Variants in RBPMS observed in about 807,000 individuals in gnomAD.
RBPMS encodes RNA binding protein, mRNA processing factor.
In RBPMS, 7 loss-of-function variants were observed where a neutral mutation model predicts 26.8. The observed-to-expected ratio is 0.26, with a 90% CI of 0.15 to 0.49. RBPMS has a LOEUF of 0.49. RBPMS is among the 20% of genes least tolerant of loss of function. RBPMS has a pLI of 0.98. For synonymous variants in RBPMS, 96 were observed against 93.3 expected, an observed-to-expected ratio of 1.03 and a Z score of -0.17; for missense variants, 186 against 250.0, an observed-to-expected ratio of 0.74 and a Z score of 1.73.
chr8:30,456,383 G>A (rs1246987867), intron 1 of RBPMS, among the ~76,000 whole-genome samples: 1 of 30,472 alleles, frequency 3.3e-5, no homozygotes, highest in African/African-American at 5.7e-5. Context: ...GAGGGATGAG[G>A]TGTAAGGCTA....
intron 4 of RBPMS, among the ~76,000 whole-genome samples, chr8:30,483,434 C>G (rs896640326): frequency 6.6e-6 from 1 of 152,114 alleles, no homozygotes; most frequent in Non-Finnish European, 1.5e-5. Flanking sequence ...TTGCTTTACT[C>G]TCAAACTATA....
intron 6 of RBPMS, chr8:30,545,618 C>G (rs1464262455): frequency 5.4e-6 from 1 of 184,428 alleles, no homozygotes; most frequent in African/African-American, 2.4e-5. Flanking sequence ...AACAGCTTCC[C>G]AGAAAACCTC....
chr8:30,456,547 C>A (rs1450853227), intron 1 of RBPMS, among the ~76,000 whole-genome samples: 1 of 152,012 alleles, frequency 6.6e-6, no homozygotes, highest in African/African-American at 2.4e-5. Flanking sequence ...CATATACAGT[C>A]TTTTAAGATT....
intron 4 of RBPMS, among the ~76,000 whole-genome samples, chr8:30,491,488 G>T (rs1819386626): frequency 6.6e-6 from 1 of 152,104 alleles, no homozygotes; most frequent in Admixed American, 6.6e-5. Flanking sequence ...TTGGGGGCTG[G>T]GGGGCTGATT....
intron 1 of RBPMS, among the ~76,000 whole-genome samples, chr8:30,393,556 G>A (rs28609368): frequency 0.014 from 2,069 of 150,974 alleles, 46 homozygotes; most frequent in African/African-American, 0.048. Flanking sequence ...GGAGTCTTGC[G>A]CTGTCACTCA....
intron 4 of RBPMS, among the ~76,000 whole-genome samples, chr8:30,483,778 C>T (rs1818513007): frequency 6.6e-6 from 1 of 151,930 alleles, no homozygotes; most frequent in Admixed American, 6.6e-5. Context: ...CTCCCTTTTC[C>T]CCAGCCCCTG....
At chr8:30,550,009 C>T (rs1353910197) in intron 6 of RBPMS, among the ~76,000 whole-genome samples, 1 of 151,930 alleles carries the variant, frequency 6.6e-6, no homozygotes, top group African/African-American at 2.4e-5. Flanking sequence ...TGTCACCACG[C>T]CTGGCTCATT....
Position 30,444,206 on chromosome 8 carries a change from T to C in RBPMS, c.67-30573T>C, listed in dbSNP as rs542064788. Reference sequence around the variant, plus strand: ...CCACCACACCCTGCCTCTTTCAGATTGTAAAAGATAACATAGTACATAACC... The same window carrying C: ...CCACCACACCCTGCCTCTTTCAGATCGTAAAAGATAACATAGTACATAACC... On this transcript the variant is annotated intron_variant, in intron 1 of 8. Coordinates refer to ENST00000397323, the MANE Select transcript of RBPMS (RefSeq NM_001008710.3). Among the ~76,000 whole-genome samples, 4 of 152,372 alleles carry C rather than the reference T, an allele frequency of 2.6e-5. No homozygotes were observed. In the East Asian group the frequency reaches 7.7e-4, roughly 29 times the overall value.
chr8:30,519,450 ATC>A (rs1313779130), intron 5 of RBPMS, among the ~76,000 whole-genome samples: 60 of 113,296 alleles, frequency 5.3e-4, no homozygotes, highest in African/African-American at 2.1e-3. Context: ...ACGTGGGAGG[ATC>A]TCTCTCTTTT....
chr8:30,510,938 T>A (rs1821523153), intron 5 of RBPMS, among the ~76,000 whole-genome samples: 1 of 152,060 alleles, frequency 6.6e-6, no homozygotes, highest in African/African-American at 2.4e-5. Flanking sequence ...AGAAGGTGCT[T>A]TAAACTCACT....
chr8:30,385,670 C>T (rs1266434022), intron 1 of RBPMS, among the ~76,000 whole-genome samples: 1 of 152,108 alleles, frequency 6.6e-6, no homozygotes, highest in Non-Finnish European at 1.5e-5. Flanking sequence ...TAATAGATAA[C>T]TCATCAGCCA....
chr8:30,569,337 A>AAAT (rs1441175205), intron 8 of RBPMS, among the ~76,000 whole-genome samples: 4 of 152,240 alleles, frequency 2.6e-5, no homozygotes, highest in African/African-American at 9.6e-5. Flanking sequence ...GGTCTCAGGA[A>AAAT]AATAATGCAG....
intron 5 of RBPMS, among the ~76,000 whole-genome samples, chr8:30,508,244 C>A (rs1821254217): frequency 6.6e-6 from 1 of 152,158 alleles, no homozygotes; most frequent in Non-Finnish European, 1.5e-5. Flanking sequence ...GAGAAACCAA[C>A]CCTACAGACA....
At chr8:30,558,806 T>C (rs762370536) in intron 6 of RBPMS, 81 bp from the exon 7 acceptor site, 272 of 1,167,266 alleles carry the variant, frequency 2.3e-4, no homozygotes, top group Non-Finnish European at 3.2e-4. Context: ...AGTAGGGAAG[T>C]GGTAGCCAAG....
intron 1 of RBPMS, among the ~76,000 whole-genome samples, chr8:30,424,954 T>C (rs1811190412): frequency 6.6e-6 from 1 of 152,034 alleles, no homozygotes; most frequent in Non-Finnish European, 1.5e-5. Flanking sequence ...ATTCCATGTA[T>C]TTATTTATTT....
rs1050595255 is a variant in RBPMS, at chr8:30,479,336, G to A, written c.205G>A (p.Asp69Asn). ...SKQPVGFVSFDSRSEAEAAKN... is the reference protein window; with the variant it reads ...SKQPVGFVSFNSRSEAEAAKN... ...TCAGCCTGTAGGTTTTGTCAGTTTT[G>A]ACAGTCGCTCAGAAGCAGAGGCTGC... Residue 69 changes from aspartate to asparagine, a missense_variant, in exon 4 of 9, where the codon GAC becomes AAC. Transcript: ENST00000397323. 7.5e-6 allele frequency: 12 copies of A among 1,602,570 alleles called. No individual in the cohort carries two copies. The highest frequency in any genetic ancestry group is 1.0e-5 in the Non-Finnish European group (12 of 1,176,428).
chr8:30,555,933 C>G, intron 6 of RBPMS: 1 of 985,466 alleles, frequency 1.0e-6, no homozygotes, highest in Non-Finnish European at 1.2e-6. Flanking sequence ...GCTGCCCGAA[C>G]TCTGCTGTGC....
At position 30,556,361 on chromosome 8, in the gene RBPMS, C is replaced by T. The variant is rs185499313; in HGVS notation, c.529-2526C>T. The stretch of plus-strand genomic sequence containing the variant: ...GACGGGCTGCACGCTCGTCCCCAAC[C>T]CTGCAGGCACCTGTGCGAGTGAGAA... On this transcript the variant is annotated intron_variant, in intron 6 of 8. Transcript: ENST00000397323. The T allele has an allele frequency of 6.9e-4, 677 of 985,634 alleles. 1 individual carries two copies. Among genetic ancestry groups the T allele is most frequent in the Non-Finnish European group, 7.9e-4 (655 of 830,078 alleles). 61.1% of individuals were successfully genotyped at this position (985,634 alleles called of 1,614,324 possible). A position where few individuals can be genotyped will look rare whatever the true frequency, so the allele number is the denominator to read the frequency against.
intron 1 of RBPMS, among the ~76,000 whole-genome samples, chr8:30,456,271 TGAA>T (rs764168569): frequency 3.9e-5 from 6 of 152,178 alleles, no homozygotes; most frequent in Admixed American, 6.5e-5. Context: ...CCAGCAAAGA[TGAA>T]GATATTTGGG....
Sources: allele counts gnomAD v4.1 joint callset (sites outside exome capture counted in the v4.1 genomes callset), GRCh38; gene constraint gnomAD v4.1.1; transcripts MANE v1.5; gene names NCBI Gene and HGNC (gene_info 2026-07-23, HGNC 2026-07-21).